Variants in MID1 observed in about 807,000 individuals in gnomAD.
MID1 encodes the protein E3 ubiquitin-protein ligase Midline-1.
A neutral mutation model predicts 40.4 loss-of-function variants in MID1; 7 were observed. That is an observed-to-expected ratio of 0.17 (90% confidence interval 0.10 to 0.33). The LOEUF (loss-of-function observed/expected upper bound fraction) is 0.33. MID1 is among the 10% of genes least tolerant of loss of function. The probability of loss-of-function intolerance (pLI) is 1.00; values close to 1 mark genes in which losing one functional copy is unlikely to be tolerated. For synonymous variants in MID1, 229 were observed against 221.2 expected, an observed-to-expected ratio of 1.04 and a Z score of -0.31; for missense variants, 367 against 558.5, an observed-to-expected ratio of 0.66 and a Z score of 3.46.
chrX:10,528,839 A>T (rs193175788), intron 2 of MID1, among the ~76,000 whole-genome samples: 67 of 112,471 alleles, frequency 6.0e-4, no homozygotes, highest in African/African-American at 1.8e-3. Flanking sequence ...ACTTTCACTT[A>T]TGGGCAGAAA....
chrX:10,626,311 C>CTATTATTATTATTATTATTAT (rs772195870), intron 1 of MID1, among the ~76,000 whole-genome samples: 6 of 101,842 alleles, frequency 5.9e-5, no homozygotes, highest in Non-Finnish European at 9.9e-5. Context: ...TCATATGAAA[C>CTATTATTATTATTATTATTAT]TATTATTATT....
chrX:10,822,528 C>A (rs929330871), intron 1 of MID1, among the ~76,000 whole-genome samples: 4 of 111,953 alleles, frequency 3.6e-5, no homozygotes, highest in African/African-American at 9.8e-5. Flanking sequence ...GAAAAAGAAA[C>A]TATCATCAGA....
At chrX:10,669,790 CCTCT>C (rs1412050710) in intron 1 of MID1, among the ~76,000 whole-genome samples, 1 of 111,949 alleles carries the variant, frequency 8.9e-6, no homozygotes, top group Non-Finnish European at 1.9e-5. Context: ...TTTGAAATCC[CCTCT>C]CTATCTTTAA....
At chrX:10,636,406 T>C (rs1205767323) in intron 1 of MID1, among the ~76,000 whole-genome samples, 1 of 110,998 alleles carries the variant, frequency 9.0e-6, no homozygotes, top group Non-Finnish European at 1.9e-5. Flanking sequence ...CTATAATTAA[T>C]CATCTTCTCC....
chrX:10,803,147 G>A (rs1401694810), intron 1 of MID1, among the ~76,000 whole-genome samples: 2 of 109,567 alleles, frequency 1.8e-5, no homozygotes, highest in African/African-American at 3.3e-5. Context: ...CCCATGCAAC[G>A]AACCTGCACA....
intron 3 of MID1, among the ~76,000 whole-genome samples, chrX:10,498,319 C>T (rs1188148864): frequency 8.9e-6 from 1 of 112,048 alleles, no homozygotes; most frequent in Non-Finnish European, 1.9e-5. Context: ...TGCTATGTTG[C>T]CCAGGCTAGT....
intron 1 of MID1, among the ~76,000 whole-genome samples, chrX:10,593,762 G>GACAC (rs57390547): frequency 0.31 from 26,006 of 83,013 alleles, 3,403 homozygotes; most frequent in East Asian, 0.53. Context: ...CTGTCCCTCT[G>GACAC]ACACACACAC....
chrX:10,588,617 T>TTCTG (rs1935194743), intron 1 of MID1, among the ~76,000 whole-genome samples: 1 of 110,937 alleles, frequency 9.0e-6, no homozygotes, highest in Non-Finnish European at 1.9e-5. Context: ...CTCTTTGACT[T>TTCTG]TCTGTCTCTC....
chrX:10,561,299 T>C (rs1353685791), intron 2 of MID1, among the ~76,000 whole-genome samples: 1 of 107,034 alleles, frequency 9.3e-6, no homozygotes, highest in African/African-American at 3.7e-5. Context: ...ATTCAGGACA[T>C]AGGCATGGGC....
At chrX:10,625,466 A>G (rs1207969593), upstream of MID1, among the ~76,000 whole-genome samples, 1 of 112,615 alleles carries the variant, frequency 8.9e-6, no homozygotes, top group Non-Finnish European at 1.9e-5. Flanking sequence ...CCATTGCAAC[A>G]ACAAGCACAG....
chrX:10,456,399 G>C (rs1462659699), intron 8 of MID1, among the ~76,000 whole-genome samples: 1 of 112,407 alleles, frequency 8.9e-6, no homozygotes, highest in East Asian at 2.8e-4. Flanking sequence ...ATAGTGAGGG[G>C]GCAGCCACGG....
chrX:10,490,643 T>A (rs1298594291), intron 4 of MID1, among the ~76,000 whole-genome samples: 2 of 112,386 alleles, frequency 1.8e-5, no homozygotes, highest in Non-Finnish European at 3.8e-5. Context: ...ATGGGTGATA[T>A]TCTCTCACTC....
intron 1 of MID1, among the ~76,000 whole-genome samples, chrX:10,778,179 C>T (rs2043819714): frequency 9.0e-6 from 1 of 111,390 alleles, no homozygotes; most frequent in African/African-American, 3.3e-5. Flanking sequence ...TTCTATACGA[C>T]TGGCAGTACA....
At chrX:10,706,742 T>C (rs967073277) in intron 1 of MID1, among the ~76,000 whole-genome samples, 1 of 111,577 alleles carries the variant, frequency 9.0e-6, no homozygotes, top group African/African-American at 3.3e-5. Context: ...TCATATACCA[T>C]AATGTAGAGT....
chrX:10,508,050 A>G (rs1432536609), intron 3 of MID1, among the ~76,000 whole-genome samples: 3 of 112,494 alleles, frequency 2.7e-5, no homozygotes, highest in African/African-American at 9.7e-5. Context: ...ATCAATGTAC[A>G]GGGATCATCT....
intron 1 of MID1, among the ~76,000 whole-genome samples, chrX:10,596,534 C>T (rs1935415288): frequency 9.0e-6 from 1 of 111,622 alleles, no homozygotes; most frequent in African/African-American, 3.3e-5. Context: ...TCCACTTGTC[C>T]ACCCCATTAA....
chrX:10,543,797 T>A (rs921315092), intron 2 of MID1, among the ~76,000 whole-genome samples: 5 of 110,193 alleles, frequency 4.5e-5, no homozygotes, highest in African/African-American at 1.7e-4. Flanking sequence ...GAGCTGAGAT[T>A]ATGCCATTGC....
chrX:10,569,892 A>T (rs1934673182), intron 1 of MID1, among the ~76,000 whole-genome samples: 1 of 111,704 alleles, frequency 9.0e-6, no homozygotes, highest in Non-Finnish European at 1.9e-5. Context: ...CTCTATTATC[A>T]TGGGCCAAGC....
rs2043862891 is a variant in MID1, at chrX:10,783,888, T to TTA, written c.-187+49665_-187+49666insTA. ...AAAACAGACTTGTAGCTCTTTTTTT[T>TTA]AAAAAAAAAAATGGCACTCCTATTG... On this transcript the variant is annotated intron_variant, in intron 1 of 10. Transcript: ENST00000380785. Among the ~76,000 whole-genome samples, 4 of 103,420 alleles carry TTA rather than the reference T, an allele frequency of 3.9e-5. No homozygotes were observed. In the South Asian group the frequency reaches 1.2e-3, roughly 31 times the overall value. The allele number at this position is 103,420 out of a possible 115,157, so 89.8% of individuals were successfully genotyped here.
Sources: gnomAD v4.1 joint callset for allele counts (sites outside exome capture counted in the v4.1 genomes callset) on GRCh38, gnomAD v4.1.1 for gene constraint, MANE v1.5 for transcripts, NCBI Gene and HGNC (gene_info 2026-07-23, HGNC 2026-07-21) for gene names.